Variants in SNW1 observed in about 807,000 individuals in gnomAD.
The protein encoded by SNW1 is SNW domain containing 1.
A neutral mutation model predicts 75.6 loss-of-function variants in SNW1; 9 were observed. That is an observed-to-expected ratio of 0.12 (90% CI 0.07 to 0.21). The LOEUF is 0.21. Ranked by LOEUF, SNW1 falls within the 10% of genes least tolerant of loss-of-function variation. SNW1 has a pLI of 1.00. For synonymous variants in SNW1, 200 were observed against 219.1 expected (o/e 0.91, Z 0.77); for missense variants, 409 against 670.9 (o/e 0.61, Z 4.31).
rs1301151458 is a variant in SNW1, at chr14:77,720,799, T to G, written c.1160A>C (p.Asp387Ala). 3 of 1,613,726 alleles carry G rather than the reference T, an allele frequency of 1.9e-6. No individual in the cohort carries two copies. The highest frequency in any genetic ancestry group is 2.5e-6 in the Non-Finnish European group (3 of 1,179,798). ...ACCGAGAGCAATAACTTCACTGATA[T>G]CCCGATTTTCATTTCTCTGAAGTTT... Reference protein sequence around the residue: ...RSKLQRNENRDISEVIALGVP... With the variant: ...RSKLQRNENRAISEVIALGVP... The change falls in exon 12 of 14, where the codon GAT becomes GCT. Residue 387 changes from aspartate to alanine, a missense_variant. Coordinates refer to ENST00000261531, the MANE Select transcript of SNW1 (RefSeq NM_012245.3).
chr14:77,757,720 G>A (rs1226203761), intron 1 of SNW1, among the ~76,000 whole-genome samples: 1 of 152,092 alleles, frequency 6.6e-6, no homozygotes, highest in Non-Finnish European at 1.5e-5. Flanking sequence ...CAGGAATCAC[G>A]CCTTATGCTT....
intron 2 of SNW1, among the ~76,000 whole-genome samples, chr14:77,753,717 C>T (rs1039224569): frequency 6.6e-6 from 1 of 151,862 alleles, no homozygotes; most frequent in African/African-American, 2.4e-5. Flanking sequence ...TTTAGGAGGC[C>T]GAGGCAGGTG....
At position 77,761,121 on chromosome 14, in the gene SNW1, G is replaced by A. The variant is rs1450613837; in HGVS notation, c.7C>T (p.Leu3Phe). MA[L>F]TSFLPAPTQL... ...CCCCAATCAACAACCCACCTGGTGAGCGCCATCTTCTTCCGCTTCTTCCAG... is the reference window on the plus strand; with the variant it reads ...CCCCAATCAACAACCCACCTGGTGAACGCCATCTTCTTCCGCTTCTTCCAG... The change falls in exon 1 of 14, where the codon CTC becomes TTC. Residue 3 changes from leucine to phenylalanine, a missense_variant. Physicochemically the swap from Leu to Phe is conservative, Grantham distance 22. Coordinates refer to ENST00000261531, the MANE Select transcript of SNW1 (RefSeq NM_012245.3). 1 of 1,614,102 alleles carries A rather than the reference G, an allele frequency of 6.2e-7. No homozygotes were observed. The highest frequency in any genetic ancestry group is 8.5e-7 in the Non-Finnish European group (1 of 1,180,050).
chr14:77,719,419 C>T (rs537497242), intron 12 of SNW1, among the ~76,000 whole-genome samples: 2 of 152,174 alleles, frequency 1.3e-5, no homozygotes, highest in African/African-American at 4.8e-5. Context: ...AGGAGGATCA[C>T]GAGGTCAGGA....
In SNW1 at chr14:77,732,503, G is replaced by T; in HGVS notation, c.873C>A (p.Leu291=). ...NENFAKLAEA[L]YIADRKAREA... ...AACCAACCTTCCGATCAGCAATGTAGAGGGCTTCTGCCAATTTGGCGAAAT... is the reference window on the plus strand; with the variant it reads ...AACCAACCTTCCGATCAGCAATGTATAGGGCTTCTGCCAATTTGGCGAAAT... The change falls in exon 9 of 14, where the codon CTC becomes CTA. Residue 291 remains leucine, a synonymous_variant. Transcript: ENST00000261531. The T allele has an allele frequency of 6.3e-7, 1 of 1,591,276 alleles. No homozygotes were observed. The highest frequency in any genetic ancestry group is 8.6e-7 in the Non-Finnish European group (1 of 1,159,472).
chr14:77,732,417 G>C (rs1449369943), intron 9 of SNW1, 68 bp downstream of exon 9: 1 of 879,616 alleles, frequency 1.1e-6, no homozygotes, highest in Non-Finnish European at 1.9e-6. Context: ...TAAATTATCA[G>C]TACCTTAGGT....
rs138311268 is a variant in SNW1 at position 77,723,225 on chromosome 14, C to T, written c.1086G>A (p.Glu362=). The change falls in exon 11 of 14, where the codon GAG becomes GAA. Residue 362 remains glutamate (E), a synonymous_variant. Coordinates refer to ENST00000261531, the MANE Select transcript of SNW1 (RefSeq NM_012245.3). ...TGGAAAGATTCCGGTCATGCTGTCT[C>T]TCTTTTCGCCTGTCATGCCGGATTT... ...RDEIRHDRRK[E]RQHDRNLSRA... The T allele has an allele frequency of 5.6e-6, 9 of 1,614,056 alleles. No homozygotes were observed. The African/African-American group carries it at 1.1e-4, about 19-fold the overall frequency.
rs1388174286 is a variant in SNW1 at position 77,732,517 on chromosome 14, A to G, written c.859T>C (p.Leu287=). ...TVHINENFAK[L]AEALYIADRK... ...TCAGCAATGTAGAGGGCTTCTGCCA[A>G]TTTGGCGAAATTTTCATTTATGTGT... Residue 287 remains leucine (L), a synonymous_variant, in exon 9 of 14, where the codon TTG becomes CTG. Transcript: ENST00000261531. The G allele has an allele frequency of 5.0e-6, 8 of 1,611,448 alleles. No homozygotes were observed. The highest frequency in any genetic ancestry group is 6.8e-6 in the Non-Finnish European group (8 of 1,177,734).
intron 1 of SNW1, among the ~76,000 whole-genome samples, chr14:77,758,794 T>A (rs2080862529): frequency 6.6e-6 from 1 of 152,174 alleles, no homozygotes; most frequent in Non-Finnish European, 1.5e-5. Context: ...ACACAACACT[T>A]CTGATACCAG....
Position 77,727,694 on chromosome 14 carries a change from G to A in SNW1, c.1033+3294C>T, listed in dbSNP as rs1232359280. ...ATTAATGTGATGTATCACATTTACTGATTTGCATATACTGAACCATCTTTG... is the reference window on the plus strand; with the variant it reads ...ATTAATGTGATGTATCACATTTACTAATTTGCATATACTGAACCATCTTTG... On this transcript the variant is annotated intron_variant, in intron 10 of 13. Coordinates refer to ENST00000261531, the MANE Select transcript of SNW1 (RefSeq NM_012245.3). 2.0e-5 allele frequency among the ~76,000 whole-genome samples: 3 copies of A among 152,160 alleles called. No homozygotes were observed. The East Asian group carries it at 5.8e-4, about 29-fold the overall frequency.
At position 77,720,721 on chromosome 14, in the gene SNW1, T is replaced by C. The variant is rs778757514; in HGVS notation, c.1238A>G (p.Asn413Ser). ...NEVQYDQRLF[N>S]QSKGMDSGFA... ...TTCCTAAACTTGTACCTTGGATTGG[T>C]TGAAGAGCCTTTGGTCATACTGAAC... The change falls in exon 12 of 14, where the codon AAC becomes AGC. Residue 413 changes from asparagine (N) to serine (S), a missense_variant. Coordinates refer to ENST00000261531, the MANE Select transcript of SNW1 (RefSeq NM_012245.3). The C allele has an allele frequency of 1.2e-6, 2 of 1,608,848 alleles. No individual in the cohort carries two copies. The highest frequency in any genetic ancestry group is 1.7e-5 in the Admixed American group (1 of 59,980).
intron 5 of SNW1, among the ~76,000 whole-genome samples, chr14:77,738,384 G>C (rs1451923085): frequency 6.6e-6 from 1 of 152,108 alleles, no homozygotes; most frequent in Non-Finnish European, 1.5e-5. Context: ...CAAGGCAGGA[G>C]GACTGCTTGA....
At chr14:77,719,549 G>A (rs1486002569) in intron 12 of SNW1, among the ~76,000 whole-genome samples, 1 of 152,174 alleles carries the variant, frequency 6.6e-6, no homozygotes, top group African/African-American at 2.4e-5. Context: ...GCTGAGGCAG[G>A]AGAATCCCTT....
chr14:77,737,991 C>CAAAAAAAAAAA (rs35896717), intron 5 of SNW1, among the ~76,000 whole-genome samples: 22 of 74,126 alleles, frequency 3.0e-4, no homozygotes, highest in African/African-American at 4.1e-4. Flanking sequence ...GACTCCATCT[C>CAAAAAAAAAAA]AAAAAAAAAA....
chr14:77,717,747 TG>T lies in SNW1; in HGVS notation c.*340del, dbSNP rs1566823987. ...TGAACATCTTCCTCCTCACTGTGGT[TG>T]GGGTAACTTTACTCATATGCAGCTG... On this transcript the variant is annotated 3_prime_UTR_variant, in exon 14 of 14. Coordinates refer to ENST00000261531, the MANE Select transcript of SNW1 (RefSeq NM_012245.3). 8.1e-6 allele frequency: 5 copies of T among 620,492 alleles called. No individual in the cohort carries two copies. The highest frequency in any genetic ancestry group is 5.5e-5 in the African/African-American group (3 of 54,206). The allele number at this position is 620,492 out of a possible 1,614,324, so 38.4% of individuals were successfully genotyped here. A position where few individuals can be genotyped will look rare whatever the true frequency, so the allele number is the denominator to read the frequency against.
chr14:77,743,153 AG>A (rs2080732246), intron 3 of SNW1, among the ~76,000 whole-genome samples: 1 of 151,776 alleles, frequency 6.6e-6, no homozygotes, highest in Admixed American at 6.6e-5. Context: ...TGAACCCGGG[AG>A]GCAGAGGTTG....
chr14:77,746,910 C>G (rs1301302096), intron 3 of SNW1, among the ~76,000 whole-genome samples: 1 of 151,556 alleles, frequency 6.6e-6, no homozygotes, highest in Admixed American at 6.6e-5. Flanking sequence ...CCCCTCCCCC[C>G]TTCTGTGCAC....
At chr14:77,721,303 A>T (rs1229589560) in intron 11 of SNW1, among the ~76,000 whole-genome samples, 2 of 152,218 alleles carry the variant, frequency 1.3e-5, no homozygotes, top group South Asian at 4.1e-4. Flanking sequence ...TGACTGAATT[A>T]GTATGATTTT....
Position 77,718,409 on chromosome 14 carries a change from T to G in SNW1, c.1370A>C (p.Asp457Ala). 1 of 1,614,156 alleles carries G rather than the reference T, an allele frequency of 6.2e-7. No individual in the cohort carries two copies. The highest frequency in any genetic ancestry group is 8.5e-7 in the Non-Finnish European group (1 of 1,180,006). ...IYRPSKNLDK[D>A]MYGDDLEARI... ...GGCTTCTAGGTCATCACCATACATGTCCTTGTCCAGATTTTTACTGGGCCT... is the reference window on the plus strand; with the variant it reads ...GGCTTCTAGGTCATCACCATACATGGCCTTGTCCAGATTTTTACTGGGCCT... Residue 457 changes from aspartate to alanine, a missense_variant, in exon 13 of 14, where the codon GAC becomes GCC. Physicochemically the swap from Asp to Ala is moderately radical, Grantham distance 126 (BLOSUM62 -2). Coordinates refer to ENST00000261531, the MANE Select transcript of SNW1 (RefSeq NM_012245.3).
Sources: allele counts gnomAD v4.1 joint callset (sites outside exome capture counted in the v4.1 genomes callset), GRCh38; gene constraint gnomAD v4.1.1; transcripts MANE v1.5; gene names NCBI Gene and HGNC (gene_info 2026-07-23, HGNC 2026-07-21).